The following OSBPL10 variants were observed in gnomAD, a reference collection of about 807,000 sequenced individuals.
OSBPL10 encodes oxysterol binding protein like 10.
Under a neutral mutation model 81.7 loss-of-function variants are expected in OSBPL10, and 49 were observed. That is an observed-to-expected ratio of 0.60 (90% CI 0.48 to 0.76). The LOEUF is 0.76. Among genes scored for constraint, OSBPL10 ranks in the 30% least tolerant of loss-of-function variants. The pLI, the probability that OSBPL10 is intolerant of heterozygous loss-of-function variation, is 0.00. For synonymous variants in OSBPL10, 419 were observed against 383.6 expected (o/e 1.09, Z -1.08); for missense variants, 923 against 987.8 (o/e 0.93, Z 0.88).
At chr3:31,774,666 C>G (rs574098808) in intron 4 of OSBPL10, among the ~76,000 whole-genome samples, 2 of 151,866 alleles carry the variant, frequency 1.3e-5, no homozygotes, top group South Asian at 4.2e-4. Flanking sequence ...GCACCCACCA[C>G]CACACCTGGC....
intron 3 of OSBPL10, among the ~76,000 whole-genome samples, chr3:31,869,224 C>CA (rs143695055): frequency 0.13 from 19,214 of 152,040 alleles, 1,333 homozygotes; most frequent in East Asian, 0.19. Flanking sequence ...TCAGAAAGTA[C>CA]AAAAAAATGG....
chr3:32,021,211 G>A (rs1699360806), intron 2 of OSBPL10, among the ~76,000 whole-genome samples: 1 of 152,144 alleles, frequency 6.6e-6, no homozygotes, highest in Non-Finnish European at 1.5e-5. Flanking sequence ...GGGCGTGGGT[G>A]GGACATAATT....
chr3:31,838,404 GGGAGACTGAAACA>G (rs1700411330), intron 3 of OSBPL10, among the ~76,000 whole-genome samples: 1 of 150,742 alleles, frequency 6.6e-6, no homozygotes, highest in Admixed American at 6.6e-5. Context: ...CCAGCTACTT[GGGAGACTGAAACA>G]GGAGAATGGC....
intron 11 of OSBPL10, 37 bp from the exon 12 acceptor site, chr3:31,662,153 C>T: frequency 6.2e-7 from 1 of 1,613,366 alleles, no homozygotes; most frequent in South Asian, 1.1e-5. Flanking sequence ...TACATGGAGA[C>T]CTCTCAACAG....
chr3:31,715,375 C>T (rs933638578), intron 6 of OSBPL10, among the ~76,000 whole-genome samples: 1 of 152,174 alleles, frequency 6.6e-6, no homozygotes, highest in African/African-American at 2.4e-5. Context: ...ACTCCTTCCA[C>T]CAATTGTTAT....
chr3:31,661,224 T>C lies in OSBPL10; in HGVS notation c.*848A>G, dbSNP rs1163192066. The C allele has an allele frequency of 6.6e-6, 1 of 152,586 alleles. No individual in the cohort carries two copies. The highest frequency in any genetic ancestry group is 1.5e-5 in the Non-Finnish European group (1 of 68,040). The allele number at this position is 152,586 out of a possible 1,614,324, so 9.5% of individuals were successfully genotyped here. On this transcript the variant is annotated 3_prime_UTR_variant, in exon 12 of 12. Transcript: ENST00000396556. ...CTCTTTCCCCAAACTAAATACAAGA[T>C]TGAGGCTGTGGTTGTGCATGTTTTC...
At chr3:32,059,646 G>A (rs184257910) in intron 1 of OSBPL10, among the ~76,000 whole-genome samples, 147 of 151,948 alleles carry the variant, frequency 9.7e-4, no homozygotes, top group Admixed American at 1.8e-3. Flanking sequence ...GGCCAGGCAT[G>A]ATGGGTCAGA....
intron 4 of OSBPL10, 87 bp from the exon 5 acceptor site, chr3:31,748,207 T>A: frequency 8.7e-7 from 1 of 1,151,364 alleles, no homozygotes; most frequent in Non-Finnish European, 1.3e-6. Flanking sequence ...CAGAAGTGGG[T>A]AAAACTAGGT....
chr3:31,921,110 T>C (rs1223476765), intron 1 of OSBPL10, among the ~76,000 whole-genome samples: 4 of 152,294 alleles, frequency 2.6e-5, no homozygotes, highest in African/African-American at 9.6e-5. Context: ...CATGTGCTAA[T>C]AGGCTAGGGT....
chr3:31,856,673 A>G (rs1195071241), intron 3 of OSBPL10, among the ~76,000 whole-genome samples: 6 of 152,216 alleles, frequency 3.9e-5, no homozygotes, highest in African/African-American at 1.2e-4. Context: ...TTTTCACCCA[A>G]TGATTTGGGA....
rs534884329 is a variant in OSBPL10, at chr3:31,793,874, T to TA, written c.729+36165dup. On this transcript the variant is annotated intron_variant, in intron 4 of 11. Coordinates refer to ENST00000396556, the MANE Select transcript of OSBPL10 (RefSeq NM_017784.5). ...ATGAAAAATATTTGAAGAAAAACAG[T>TA]AAAAAACAACAAATGACAATTAAAA... 7.9e-5 allele frequency among the ~76,000 whole-genome samples: 12 copies of TA among 152,310 alleles called. No individual in the cohort carries two copies. In the South Asian group the frequency reaches 2.3e-3, roughly 29 times the overall value.
chr3:31,813,697 G>C (rs757695127), intron 4 of OSBPL10, among the ~76,000 whole-genome samples: 2 of 152,184 alleles, frequency 1.3e-5, no homozygotes, highest in Non-Finnish European at 2.9e-5. Context: ...GCCTTGTTAA[G>C]AGAGGGCTCC....
intron 1 of OSBPL10, among the ~76,000 whole-genome samples, chr3:31,950,487 A>G (rs934318568): frequency 1.3e-5 from 2 of 152,230 alleles, no homozygotes; most frequent in Admixed American, 6.5e-5. Flanking sequence ...AGAACAATGC[A>G]AATGCTTATA....
At chr3:31,719,267 G>A (rs1234687808) in intron 6 of OSBPL10, among the ~76,000 whole-genome samples, 1 of 152,130 alleles carries the variant, frequency 6.6e-6, no homozygotes, top group Non-Finnish European at 1.5e-5. Flanking sequence ...TGTTGTTACT[G>A]CTTCTTACCT....
intron 1 of OSBPL10, among the ~76,000 whole-genome samples, chr3:31,943,421 A>T (rs909934055): frequency 3.9e-5 from 6 of 152,136 alleles, no homozygotes; most frequent in Non-Finnish European, 8.8e-5. Flanking sequence ...TTTTTAATCA[A>T]GTACATTCAA....
intron 1 of OSBPL10, among the ~76,000 whole-genome samples, chr3:31,966,001 T>C (rs1479854641): frequency 3.0e-5 from 4 of 134,688 alleles, no homozygotes; most frequent in South Asian, 4.4e-4. Context: ...AAATATAATA[T>C]ATATATATAT....
intron 2 of OSBPL10, chr3:31,990,453 G>C: frequency 6.4e-7 from 1 of 1,568,204 alleles, no homozygotes; most frequent in Non-Finnish European, 8.6e-7. Flanking sequence ...AGTGTAATGA[G>C]TGTGGCAAGA....
chr3:31,728,229 T>C (rs180804308), intron 6 of OSBPL10, among the ~76,000 whole-genome samples: 1 of 152,356 alleles, frequency 6.6e-6, no homozygotes, highest in East Asian at 1.9e-4. Context: ...GGTCTCTTGA[T>C]AGCATTGTTG....
At chr3:31,836,531 T>C (rs578232436) in intron 3 of OSBPL10, among the ~76,000 whole-genome samples, 55 of 150,020 alleles carry the variant, frequency 3.7e-4, no homozygotes, top group Non-Finnish European at 6.5e-4. Flanking sequence ...CCACCAATCA[T>C]CTAACCCCCC....
Sources: gnomAD v4.1 joint callset for allele counts (sites outside exome capture counted in the v4.1 genomes callset) on GRCh38, gnomAD v4.1.1 for gene constraint, MANE v1.5 for transcripts, NCBI Gene and HGNC (gene_info 2026-07-23, HGNC 2026-07-21) for gene names.